PSTPIP2: variants seen among roughly 807,000 people sequenced by gnomAD.
PSTPIP2 encodes proline-serine-threonine phosphatase-interacting protein 2.
PSTPIP2 carries 33 observed loss-of-function variants against 63.3 expected under a neutral mutation model. That is an observed-to-expected ratio of 0.52 (90% CI 0.40 to 0.70). PSTPIP2 has a LOEUF of 0.70. Ranked by LOEUF, PSTPIP2 falls within the 30% of genes least tolerant of loss-of-function variation. PSTPIP2 has a pLI of 0.00. For synonymous variants in PSTPIP2, 125 were observed against 132.7 expected (o/e 0.94, Z 0.40); for missense variants, 312 against 400.7 (o/e 0.78, Z 1.89).
intron 1 of PSTPIP2, among the ~76,000 whole-genome samples, chr18:46,054,448 T>G (rs1908683949): frequency 6.6e-6 from 1 of 152,178 alleles, no homozygotes; most frequent in Non-Finnish European, 1.5e-5. Flanking sequence ...ATTATTCATT[T>G]GTCAAAACCC....
intron 1 of PSTPIP2, among the ~76,000 whole-genome samples, chr18:46,045,671 GTAAATAAATAAA>G (rs140184557): frequency 1.3e-5 from 2 of 151,140 alleles, no homozygotes; most frequent in African/African-American, 4.9e-5. Context: ...CAATAATAAA[GTAAATAAATAAA>G]TAAATAAATA....
intron 1 of PSTPIP2, among the ~76,000 whole-genome samples, chr18:46,041,304 G>A (rs1211429673): frequency 1.3e-5 from 2 of 152,302 alleles, no homozygotes; most frequent in Admixed American, 1.3e-4. Context: ...CTAGAGTGCA[G>A]TGGCACGATC....
At chr18:46,071,942 A>G (rs987480846) in intron 1 of PSTPIP2, among the ~76,000 whole-genome samples, 3 of 151,972 alleles carry the variant, frequency 2.0e-5, no homozygotes, top group African/African-American at 7.2e-5. Flanking sequence ...AGCGGGGGAC[A>G]GAGAGGGAAC....
At chr18:46,000,866 C>T (rs2051657031) in intron 6 of PSTPIP2, among the ~76,000 whole-genome samples, 4 of 150,180 alleles carry the variant, frequency 2.7e-5, no homozygotes, top group Non-Finnish European at 5.9e-5. Context: ...ATCTTAATTC[C>T]AGGAAGTGGG....
At chr18:46,011,972 T>C (rs1008959996) in intron 4 of PSTPIP2, among the ~76,000 whole-genome samples, 7 of 152,144 alleles carry the variant, frequency 4.6e-5, no homozygotes, top group Non-Finnish European at 8.8e-5. Context: ...GGTTAAAAGA[T>C]ACATGACAAA....
At chr18:45,993,781 C>T (rs1174995405) in intron 9 of PSTPIP2, 78 bp from the exon 10 acceptor site, 37 of 1,189,748 alleles carry the variant, frequency 3.1e-5, no homozygotes, top group African/African-American at 4.5e-5. Flanking sequence ...ACTTAAGAAA[C>T]AGTGTCAACC....
chr18:45,992,041 A>G, intron 11 of PSTPIP2, 58 bp from the exon 12 acceptor site: 1 of 1,593,236 alleles, frequency 6.3e-7, no homozygotes, highest in South Asian at 1.1e-5. Flanking sequence ...ATCCTTAATG[A>G]CATCTAACAA....
intron 2 of PSTPIP2, among the ~76,000 whole-genome samples, chr18:46,039,586 T>C (rs1908112961): frequency 6.6e-6 from 1 of 152,054 alleles, no homozygotes; most frequent in Non-Finnish European, 1.5e-5. Context: ...CCTCCCTCCC[T>C]CTCTCCTTCC....
chr18:45,983,746 G>A lies in PSTPIP2; in HGVS notation c.*1713C>T, dbSNP rs1337448775. On this transcript the variant is annotated 3_prime_UTR_variant, in exon 15 of 15. Transcript: ENST00000409746. ...CATTTCCTGAGCCCGTTCAGTTTGG[G>A]GAAATTTGGCCCTTTGCAAAATTCA... The A allele has an allele frequency of 8.5e-5, 13 of 152,138 alleles. No homozygotes were observed. Among genetic ancestry groups the A allele is most frequent in the African/African-American group, 2.9e-4 (12 of 41,436 alleles). The allele number at this position is 152,138 out of a possible 1,614,324, so 9.4% of individuals were successfully genotyped here.
chr18:46,012,843 T>C (rs1568216400), intron 4 of PSTPIP2, among the ~76,000 whole-genome samples: 1 of 152,194 alleles, frequency 6.6e-6, no homozygotes, highest in Non-Finnish European at 1.5e-5. Context: ...CTAGCATGAT[T>C]TTAAAATGAT....
At chr18:46,063,746 A>G (rs2144134905) in intron 1 of PSTPIP2, among the ~76,000 whole-genome samples, 1 of 152,352 alleles carries the variant, frequency 6.6e-6, no homozygotes, top group East Asian at 1.9e-4. Context: ...ACAAGAAAAT[A>G]ACCAAATGTG....
At chr18:46,005,988 C>T (rs754339945) in intron 5 of PSTPIP2, among the ~76,000 whole-genome samples, 2 of 152,028 alleles carry the variant, frequency 1.3e-5, no homozygotes, top group Non-Finnish European at 2.9e-5. Context: ...TCAGGGTGCC[C>T]GGGCAGTATG....
intron 6 of PSTPIP2, among the ~76,000 whole-genome samples, chr18:46,004,785 G>T (rs751189910): frequency 9.9e-5 from 15 of 152,132 alleles, no homozygotes; most frequent in Non-Finnish European, 2.1e-4. Flanking sequence ...TTCAACCATT[G>T]TGGAAAGCAG....
chr18:46,015,110 G>A (rs1320095072), intron 4 of PSTPIP2, among the ~76,000 whole-genome samples: 1 of 152,190 alleles, frequency 6.6e-6, no homozygotes, highest in Non-Finnish European at 1.5e-5. Context: ...AGTCAAGCTA[G>A]AAGAGGCCCA....
chr18:46,043,983 T>C (rs1480060611), intron 1 of PSTPIP2, among the ~76,000 whole-genome samples: 2 of 152,116 alleles, frequency 1.3e-5, no homozygotes. Flanking sequence ...CTAAAAGAAA[T>C]GGAAGAAGAC....
intron 4 of PSTPIP2, 137 bp downstream of exon 4, chr18:46,015,766 T>C (rs1345296717): frequency 2.4e-5 from 22 of 902,902 alleles, no homozygotes; most frequent in Non-Finnish European, 3.7e-5. Context: ...CTGCAGAGCT[T>C]TGTCTCACCT....
intron 2 of PSTPIP2, among the ~76,000 whole-genome samples, chr18:46,038,891 C>A (rs1161733249): frequency 6.6e-6 from 1 of 152,172 alleles, no homozygotes; most frequent in African/African-American, 2.4e-5. Context: ...AATCCCAGAA[C>A]TTTGGGAGGC....
chr18:46,042,477 T>A (rs1344490233), intron 1 of PSTPIP2, among the ~76,000 whole-genome samples: 1 of 152,210 alleles, frequency 6.6e-6, no homozygotes, highest in Non-Finnish European at 1.5e-5. Flanking sequence ...TTTGCTATTA[T>A]GCCTGTGAAT....
chr18:46,034,428 G>T (rs1907893612), intron 2 of PSTPIP2, among the ~76,000 whole-genome samples: 1 of 152,166 alleles, frequency 6.6e-6, no homozygotes, highest in Non-Finnish European at 1.5e-5. Flanking sequence ...CAGACAGGAA[G>T]TCAGCAGGAA....
Sources: allele counts gnomAD v4.1 joint callset (sites outside exome capture counted in the v4.1 genomes callset), GRCh38; gene constraint gnomAD v4.1.1; transcripts MANE v1.5; gene names NCBI Gene and HGNC (gene_info 2026-07-23, HGNC 2026-07-21).